Variants in NAV3 observed in about 807,000 individuals in gnomAD.
NAV3 encodes the protein neuron navigator 3, also known as pore membrane and/or filament interacting like protein 1.
In NAV3, 87 loss-of-function variants were observed where a neutral mutation model predicts 244.7. The observed-to-expected ratio is 0.36, with a 90% CI of 0.30 to 0.42. The LOEUF is 0.42. NAV3 is among the 20% of genes least tolerant of loss of function. The pLI, the probability that NAV3 is intolerant of heterozygous loss-of-function variation, is 1.00. For synonymous variants in NAV3, 1,126 were observed against 1,042.2 expected (o/e 1.08, Z -1.55); for missense variants, 2,663 against 2,893.3 (o/e 0.92, Z 1.83).
intron 2 of NAV3, among the ~76,000 whole-genome samples, chr12:77,607,144 A>C (rs11105883): frequency 0.17 from 26,315 of 152,100 alleles, 2,601 homozygotes; most frequent in Admixed American, 0.23. Context: ...GCCCTTTAAT[A>C]GTTCAAAAAT....
At chr12:78,068,560 T>C (rs1952596064) in intron 12 of NAV3, among the ~76,000 whole-genome samples, 1 of 148,936 alleles carries the variant, frequency 6.7e-6, no homozygotes, top group Non-Finnish European at 1.5e-5. Context: ...GTTAGCTTGC[T>C]GATATCAATA....
intron 38 of NAV3, 77 bp downstream of exon 38, chr12:78,200,668 A>G: frequency 1.3e-6 from 1 of 760,324 alleles, no homozygotes; most frequent in Non-Finnish European, 2.0e-6. Context: ...GCAAAAAAAA[A>G]TATCTGGGTA....
At chr12:77,572,511 A>T (rs1319035449) in intron 2 of NAV3, among the ~76,000 whole-genome samples, 1 of 152,022 alleles carries the variant, frequency 6.6e-6, no homozygotes, top group Admixed American at 6.6e-5. Flanking sequence ...CTCACTCTTG[A>T]CTTCATACTA....
chr12:77,670,622 G>T (rs1338955716), intron 2 of NAV3, among the ~76,000 whole-genome samples: 2 of 152,084 alleles, frequency 1.3e-5, no homozygotes, highest in Non-Finnish European at 2.9e-5. Context: ...GGGATGCAGG[G>T]ATGTTTTAAC....
At chr12:77,958,331 C>T (rs1351517188) in intron 3 of NAV3, among the ~76,000 whole-genome samples, 1 of 151,962 alleles carries the variant, frequency 6.6e-6, no homozygotes, top group Non-Finnish European at 1.5e-5. Flanking sequence ...CTCTGTAGCA[C>T]AGAGCACATT....
intron 12 of NAV3, among the ~76,000 whole-genome samples, chr12:78,085,622 G>C (rs927174874): frequency 6.6e-6 from 1 of 152,100 alleles, no homozygotes; most frequent in Admixed American, 6.6e-5. Context: ...ATGGATTTGG[G>C]AAGGGAGAAG....
rs746764163 is a variant in NAV3, at chr12:78,190,051, G to A, written c.6123G>A (p.Arg2041=). Residue 2041 remains arginine (R), a synonymous_variant, in exon 34 of 40, where the codon AGG becomes AGA. Transcript: ENST00000397909. ...DTLIPKPITQ[R]YFNLLMEHHR... is the part of the protein sequence containing the mutation. ...TGATTCCTAAACCAATTACCCAAAGGTACTTTAACTTGTTGATGGAGCATC... is the reference window on the plus strand; with the variant it reads ...TGATTCCTAAACCAATTACCCAAAGATACTTTAACTTGTTGATGGAGCATC... The A allele has an allele frequency of 1.7e-5, 28 of 1,612,986 alleles. No individual in the cohort carries two copies. In the East Asian group the frequency reaches 5.6e-4, roughly 32 times the overall value.
chr12:78,196,742 T>C (rs1959180483), intron 34 of NAV3, among the ~76,000 whole-genome samples: 1 of 152,006 alleles, frequency 6.6e-6, no homozygotes, highest in South Asian at 2.1e-4. Context: ...GCTGTACTTT[T>C]AGATATACCC....
At chr12:77,902,893 A>G (rs951481801) in intron 1 of NAV3, among the ~76,000 whole-genome samples, 17 of 152,188 alleles carry the variant, frequency 1.1e-4, no homozygotes, top group African/African-American at 4.1e-4. Flanking sequence ...CCCATTCACA[A>G]TTGCTTCAAA....
At chr12:77,932,756 T>C (rs1259029175) in intron 1 of NAV3, among the ~76,000 whole-genome samples, 1 of 152,182 alleles carries the variant, frequency 6.6e-6, no homozygotes, top group Non-Finnish European at 1.5e-5. Flanking sequence ...CTAAAAATCT[T>C]AATAAAGCCT....
intron 2 of NAV3, among the ~76,000 whole-genome samples, chr12:77,749,172 A>C (rs529887845): frequency 3.9e-5 from 6 of 152,202 alleles, no homozygotes; most frequent in Non-Finnish European, 7.3e-5. Flanking sequence ...GTTATTGTTC[A>C]ACAGTGACAG....
In NAV3 at chr12:78,145,070, C is replaced by A. The variant is rs78891195; in HGVS notation, c.4684-1299C>A. ...GCAATGAAACTTTTATCTTAATATT[C>A]CTTGCTTACTTTTTATTCAAAAACC... On this transcript the variant is annotated intron_variant, in intron 20 of 39. Transcript: ENST00000397909. The A allele has an allele frequency of 1.6e-3, 472 of 303,270 alleles. 3 individuals carry two copies. Among genetic ancestry groups the A allele is most frequent in the African/African-American group, 9.6e-3 (420 of 43,872 alleles). The allele number at this position is 303,270 out of a possible 1,614,324, so 18.8% of individuals were successfully genotyped here.
At chr12:77,989,085 A>C (rs1255338194) in intron 5 of NAV3, among the ~76,000 whole-genome samples, 2 of 152,168 alleles carry the variant, frequency 1.3e-5, no homozygotes, top group Non-Finnish European at 2.9e-5. Context: ...TTGAACCACA[A>C]GATTTGATAT....
chr12:77,947,630 G>A (rs1890484426), intron 3 of NAV3: 1 of 151,866 alleles, frequency 6.6e-6, no homozygotes, highest in Non-Finnish European at 1.5e-5. Flanking sequence ...GCTAGAAAAA[G>A]ATAGCTTAAT....
intron 1 of NAV3, among the ~76,000 whole-genome samples, chr12:77,892,429 T>TA (rs1249376247): frequency 6.6e-6 from 1 of 152,136 alleles, no homozygotes; most frequent in Non-Finnish European, 1.5e-5. Flanking sequence ...TTTTTTTTTT[T>TA]TTTTTAGACA....
intron 8 of NAV3, among the ~76,000 whole-genome samples, chr12:78,013,972 T>C (rs1165172654): frequency 6.6e-6 from 1 of 152,106 alleles, no homozygotes; most frequent in Non-Finnish European, 1.5e-5. Flanking sequence ...GGAGTTCAAA[T>C]ATTGTTACCT....
intron 30 of NAV3, among the ~76,000 whole-genome samples, chr12:78,182,712 CG>C (rs1218160707): frequency 2.6e-5 from 4 of 151,658 alleles, no homozygotes; most frequent in African/African-American, 9.7e-5. Context: ...CCAAGTTTTA[CG>C]TTTTTTTAAT....
chr12:77,849,871 T>C (rs1207160705), intron 1 of NAV3, among the ~76,000 whole-genome samples: 2 of 152,132 alleles, frequency 1.3e-5, no homozygotes, highest in East Asian at 1.9e-4. Context: ...TCATCAAATA[T>C]AGACTTTTGA....
At chr12:77,617,180 G>T (rs944556456) in intron 2 of NAV3, among the ~76,000 whole-genome samples, 4 of 152,176 alleles carry the variant, frequency 2.6e-5, no homozygotes, top group Middle Eastern at 3.4e-3. Flanking sequence ...TTAAATTTTG[G>T]TAAATTATTG....
Sources: gnomAD v4.1 joint callset for allele counts (sites outside exome capture counted in the v4.1 genomes callset) on GRCh38, gnomAD v4.1.1 for gene constraint, MANE v1.5 for transcripts, NCBI Gene and HGNC (gene_info 2026-07-23, HGNC 2026-07-21) for gene names.